Variants in CLNS1A observed in about 807,000 individuals in gnomAD.
CLNS1A encodes chloride nucleotide-sensitive channel 1A.
CLNS1A carries 16 observed loss-of-function variants against 29.4 expected under a neutral mutation model. The observed-to-expected ratio is 0.54, with a 90% confidence interval of 0.37 to 0.83. The LOEUF is 0.83. Among genes scored for constraint, CLNS1A ranks in the 40% least tolerant of loss-of-function variants. CLNS1A has a pLI of 0.00. For missense variants in CLNS1A, 235 were observed against 287.4 expected (o/e 0.82, Z 1.32); for synonymous variants, 96 against 104.8 (o/e 0.92, Z 0.51).
At chr11:77,621,993 C>T (rs1017003422) in intron 5 of CLNS1A, 20 of 456,130 alleles carry the variant, frequency 4.4e-5, no homozygotes, top group Non-Finnish European at 8.4e-5. Context: ...CCTTCAGTCA[C>T]GTGGGCCAAT....
intron 6 of CLNS1A, among the ~76,000 whole-genome samples, chr11:77,618,009 A>C (rs1233509612): frequency 6.6e-6 from 1 of 152,128 alleles, no homozygotes; most frequent in African/African-American, 2.4e-5. Flanking sequence ...ACAGAAAACA[A>C]AGCTCATTAA....
At chr11:77,617,624 G>GCC (rs1485475638) in intron 6 of CLNS1A, among the ~76,000 whole-genome samples, 12 of 151,366 alleles carry the variant, frequency 7.9e-5, no homozygotes, top group Non-Finnish European at 1.8e-4. Flanking sequence ...TATACATAAT[G>GCC]TTTATACATT....
intron 1 of CLNS1A, among the ~76,000 whole-genome samples, chr11:77,637,379 C>T (rs1450933373): frequency 2.0e-5 from 3 of 147,916 alleles, no homozygotes; most frequent in Non-Finnish European, 3.0e-5. Flanking sequence ...GGGGAAATTC[C>T]GGCCGGAGAA....
chr11:77,626,734 C>T (rs1959023776), intron 2 of CLNS1A, among the ~76,000 whole-genome samples: 1 of 146,110 alleles, frequency 6.8e-6, no homozygotes, highest in Admixed American at 6.9e-5. Flanking sequence ...CTCTGTCGCC[C>T]AGGCTGGACT....
intron 2 of CLNS1A, among the ~76,000 whole-genome samples, chr11:77,629,355 T>C (rs1235963823): frequency 5.9e-5 from 9 of 152,112 alleles, no homozygotes; most frequent in Non-Finnish European, 1.5e-5. Context: ...AATGAGTCAA[T>C]GGCCTCAATG....
At position 77,619,635 on chromosome 11, in the gene CLNS1A, T is replaced by C; in HGVS notation, c.707A>G (p.Asp236Gly). ...VAGQFEDADV[D>G]H Reference sequence around the variant, plus strand: ...AACTTGCATAAATCATTTTCAGTGATCAACATCTGCATCCTCAAACTGTCC... The same window carrying C: ...AACTTGCATAAATCATTTTCAGTGACCAACATCTGCATCCTCAAACTGTCC... Residue 236 changes from aspartate (D) to glycine (G), a missense_variant, in exon 6 of 7, where the codon GAT (aspartate) becomes GGT (glycine). Transcript: ENST00000525428. The C allele has an allele frequency of 6.2e-7, 1 of 1,612,950 alleles. No individual in the cohort carries two copies. Among genetic ancestry groups the C allele is most frequent in the Non-Finnish European group, 8.5e-7 (1 of 1,178,976 alleles).
At position 77,615,165 on chromosome 11, in the gene CLNS1A, G is replaced by A. The variant is rs1385538265; in HGVS notation, c.*1553C>T. On this transcript the variant is annotated 3_prime_UTR_variant, in exon 7 of 7. Transcript: ENST00000525428. ...AATTATAAATTTGTTCCTTTTAAAA[G>A]GAACTCAAATGGAATTTCTAATATT... 1 of 152,166 alleles carries A rather than the reference G, an allele frequency of 6.6e-6. No individual in the cohort carries two copies. The highest frequency in any genetic ancestry group is 2.4e-5 in the African/African-American group (1 of 41,438). The allele number at this position is 152,166 out of a possible 1,614,324, so 9.4% of individuals were successfully genotyped here.
intron 2 of CLNS1A, among the ~76,000 whole-genome samples, chr11:77,626,091 T>C (rs903488379): frequency 6.6e-6 from 1 of 152,130 alleles, no homozygotes; most frequent in Non-Finnish European, 1.5e-5. Flanking sequence ...TAAGGTAATC[T>C]AATCTCATCA....
intron 5 of CLNS1A, among the ~76,000 whole-genome samples, chr11:77,620,048 A>G (rs1238728802): frequency 6.6e-6 from 1 of 152,230 alleles, no homozygotes; most frequent in Non-Finnish European, 1.5e-5. Flanking sequence ...TGAAAAGACA[A>G]AAATCAGTAC....
At chr11:77,637,258 AAG>A (rs1554980844) in intron 1 of CLNS1A, among the ~76,000 whole-genome samples, 2 of 140,838 alleles carry the variant, frequency 1.4e-5, no homozygotes, top group Non-Finnish European at 3.1e-5. Context: ...AAAAAAAAAA[AAG>A]AAAATAAAAG....
intron 4 of CLNS1A, 27 bp from the exon 5 acceptor site, chr11:77,622,700 T>C: frequency 1.3e-6 from 2 of 1,514,934 alleles, no homozygotes; most frequent in South Asian, 2.6e-5. Flanking sequence ...CTTTAAAGTT[T>C]AAATACAACA....
chr11:77,622,393 T>C (rs934056492), intron 5 of CLNS1A, 107 bp downstream of exon 5: 1 of 761,416 alleles, frequency 1.3e-6, no homozygotes. Context: ...TCCTATACTA[T>C]AGAGAGTCAA....
intron 3 of CLNS1A, 154 bp from the exon 4 acceptor site, chr11:77,625,224 G>C: frequency 3.3e-6 from 2 of 606,862 alleles, no homozygotes; most frequent in Non-Finnish European, 5.9e-6. Flanking sequence ...CAAAAGACAA[G>C]TCATAAAATA....
intron 6 of CLNS1A, among the ~76,000 whole-genome samples, chr11:77,618,246 AAAAC>A (rs1958924099): frequency 2.0e-5 from 3 of 152,226 alleles, no homozygotes; most frequent in Admixed American, 2.0e-4. Flanking sequence ...AACAGTTACT[AAAAC>A]AAGTATCACT....
At chr11:77,622,195 G>A (rs193206985) in intron 5 of CLNS1A, among the ~76,000 whole-genome samples, 1 of 152,206 alleles carries the variant, frequency 6.6e-6, no homozygotes, top group Admixed American at 6.5e-5. Flanking sequence ...ATACACAGAT[G>A]CAACAGTAAA....
chr11:77,628,539 A>T (rs1959043668), intron 2 of CLNS1A, among the ~76,000 whole-genome samples: 1 of 152,228 alleles, frequency 6.6e-6, no homozygotes, highest in South Asian at 2.1e-4. Context: ...TTGAAATCTT[A>T]TAACAAAAAT....
At chr11:77,631,496 AT>A (rs1959074332) in intron 1 of CLNS1A, among the ~76,000 whole-genome samples, 1 of 150,798 alleles carries the variant, frequency 6.6e-6, no homozygotes, top group Non-Finnish European at 1.5e-5. Context: ...AATTTTTTGT[AT>A]TTTTAGAGAC....
chr11:77,629,408 T>G (rs1959051870), intron 2 of CLNS1A, among the ~76,000 whole-genome samples: 1 of 151,866 alleles, frequency 6.6e-6, no homozygotes, highest in Admixed American at 6.6e-5. Context: ...TCTTTTTTTT[T>G]TTTTAGACGG....
intron 6 of CLNS1A, chr11:77,618,741 G>A (rs1196308632): frequency 1.3e-5 from 2 of 152,196 alleles, no homozygotes; most frequent in East Asian, 3.8e-4. Flanking sequence ...CTGGAGAAAA[G>A]CCAATGATTA....
Sources: allele counts gnomAD v4.1 joint callset (sites outside exome capture counted in the v4.1 genomes callset), GRCh38; gene constraint gnomAD v4.1.1; transcripts MANE v1.5; gene names NCBI Gene and HGNC (gene_info 2026-07-23, HGNC 2026-07-21).